PSG2: variants seen among roughly 807,000 people sequenced by gnomAD.
PSG2 encodes pregnancy specific beta-1-glycoprotein 2.
In PSG2, 49 loss-of-function variants were observed where a neutral mutation model predicts 36.2. That is an observed-to-expected ratio of 1.35 (90% CI 1.08 to 1.72). The LOEUF (loss-of-function observed/expected upper bound fraction) is 1.72. PSG2 is among the 40% of genes most tolerant of loss of function. The probability of loss-of-function intolerance (pLI) is 0.00; values close to 1 mark genes in which losing one functional copy is unlikely to be tolerated. For missense variants in PSG2, 605 were observed against 407.2 expected, an observed-to-expected ratio of 1.49 and a Z score of -4.18; for synonymous variants, 261 against 155.6, an observed-to-expected ratio of 1.68 and a Z score of -5.04.
chr19:43,068,398 A>C (rs528593661), intron 4 of PSG2, among the ~76,000 whole-genome samples: 33 of 151,038 alleles, frequency 2.2e-4, no homozygotes, highest in African/African-American at 5.1e-4. Flanking sequence ...ATAATCACAC[A>C]ACTGTATTCC....
At chr19:43,082,358 C>A in intron 1 of PSG2, 148 bp downstream of exon 1, 2 of 1,283,568 alleles carry the variant, frequency 1.6e-6, no homozygotes, top group South Asian at 2.5e-5. Context: ...GCCAGACTGA[C>A]CTTGAACTCC....
chr19:43,075,453 G>T lies in PSG2; in HGVS notation c.610C>A (p.Leu204Ile), dbSNP rs147461917. Residue 204 changes from leucine (L) to isoleucine (I), a missense_variant, in exon 3 of 6, where the codon CTA (leucine) becomes ATA (isoleucine). Physicochemically the swap from Leu to Ile is conservative, Grantham distance 5. Coordinates refer to ENST00000406487, the MANE Select transcript of PSG2 (RefSeq NM_031246.4). ...QLSETNRTLF[L>I]FGVTKYTAGP... Reference sequence around the variant, plus strand: ...GCAGTATACTTTGTGACACCAAATAGAAAGAGGGTCCTGTTGGTTTCGGAC... The same window carrying T: ...GCAGTATACTTTGTGACACCAAATATAAAGAGGGTCCTGTTGGTTTCGGAC... 7.1e-5 allele frequency: 115 copies of T among 1,613,202 alleles called. No individual in the cohort carries two copies. In the East Asian group the frequency reaches 1.0e-3, roughly 14 times the overall value.
intron 2 of PSG2, among the ~76,000 whole-genome samples, chr19:43,077,849 T>G (rs1385068213): frequency 6.6e-6 from 1 of 151,810 alleles, no homozygotes; most frequent in Non-Finnish European, 1.5e-5. Context: ...AAATTTCTAT[T>G]GACACGTCCT....
At position 43,069,999 on chromosome 19, in the gene PSG2, G is replaced by A. The variant is rs979407718; in HGVS notation, c.964+1701C>T. ...TACAAGTCAACAACAGCAAACATCC[G>A]AAAACCCAATTAAAAAATGAACAAA... On this transcript the variant is annotated intron_variant, in intron 4 of 5. Transcript: ENST00000406487. Among the ~76,000 whole-genome samples, 17 of 151,632 alleles carry A rather than the reference G, an allele frequency of 1.1e-4. 1 individual carries two copies. Among genetic ancestry groups the A allele is most frequent in the South Asian group, 4.2e-4 (2 of 4,810 alleles).
chr19:43,074,330 T>C (rs1315800253), intron 3 of PSG2, among the ~76,000 whole-genome samples: 1 of 151,736 alleles, frequency 6.6e-6, no homozygotes, highest in Non-Finnish European at 1.5e-5. Context: ...TCCATGAAAA[T>C]GAAATGTCTT....
At chr19:43,074,542 G>A (rs867151255) in intron 3 of PSG2, among the ~76,000 whole-genome samples, 17 of 151,660 alleles carry the variant, frequency 1.1e-4, no homozygotes, top group African/African-American at 1.5e-4. Flanking sequence ...GAAAGAGTGA[G>A]GGGACAGGCA....
intron 3 of PSG2, among the ~76,000 whole-genome samples, chr19:43,073,312 G>T (rs1166441451): frequency 1.3e-5 from 2 of 151,774 alleles, no homozygotes; most frequent in Non-Finnish European, 2.9e-5. Context: ...AAAGAGTGAA[G>T]GGGATAGGCA....
intron 1 of PSG2, 119 bp downstream of exon 1, chr19:43,082,387 A>G (rs755893959): frequency 4.8e-6 from 7 of 1,472,568 alleles, no homozygotes; most frequent in African/African-American, 1.4e-5. Flanking sequence ...TGATCCACCC[A>G]CCTCAGCCTC....
chr19:43,069,177 G>A (rs1192808998), intron 4 of PSG2, among the ~76,000 whole-genome samples: 1 of 151,590 alleles, frequency 6.6e-6, no homozygotes, highest in Non-Finnish European at 1.5e-5. Flanking sequence ...GATTATACCT[G>A]AAATCTACAA....
chr19:43,066,721 T>A, intron 4 of PSG2, 121 bp from the exon 5 acceptor site: 1 of 1,375,694 alleles, frequency 7.3e-7, no homozygotes, highest in Non-Finnish European at 1.0e-6. Context: ...CCACATTATT[T>A]CTCTTGGAAT....
intron 4 of PSG2, among the ~76,000 whole-genome samples, chr19:43,070,923 G>T (rs1180169878): frequency 6.6e-6 from 1 of 151,554 alleles, no homozygotes; most frequent in Non-Finnish European, 1.5e-5. Context: ...AGCTCCAGGG[G>T]TGAATCTCCC....
chr19:43,079,518 AGT>A (rs531211482), intron 2 of PSG2, among the ~76,000 whole-genome samples: 6,889 of 151,180 alleles, frequency 0.046, 683 homozygotes, highest in African/African-American at 0.16. Flanking sequence ...AGAGCTCCTG[AGT>A]GTGTGTGTCT....
rs557362976 is a variant in PSG2, at chr19:43,082,471, T to A, written c.64+35A>T. On this transcript the variant is annotated intron_variant, in intron 1 of 5. Transcript: ENST00000406487. The stretch of plus-strand genomic sequence containing the variant: ...GACCCCATCCAGTCACTCTTCTTCC[T>A]CCTCCTGTCCTCTCCCAGGAAGTTC... The A allele has an allele frequency of 6.2e-6, 10 of 1,602,740 alleles. 1 individual carries two copies. The Admixed American group carries it at 6.7e-5, about 11-fold the overall frequency.
Position 43,080,992 on chromosome 19 carries a change from G to A in PSG2, c.319C>T (p.Leu107=). ...TCCCGGGTGACATTCTGGATCAGCA[G>A]GGATGCATTGGAATATGCTGTTTCT... ...GRETAYSNAS[L]LIQNVTREDA... Residue 107 remains leucine (L), a synonymous_variant, in exon 2 of 6, where the codon CTG becomes TTG. Coordinates refer to ENST00000406487, the MANE Select transcript of PSG2 (RefSeq NM_031246.4). 1.2e-6 allele frequency: 2 copies of A among 1,613,122 alleles called. No homozygotes were observed. Among genetic ancestry groups the A allele is most frequent in the African/African-American group, 1.3e-5 (1 of 74,462 alleles).
chr19:43,072,445 G>A (rs1967833189), intron 3 of PSG2: 4 of 1,611,794 alleles, frequency 2.5e-6, no homozygotes, highest in Non-Finnish European at 3.4e-6. Context: ...TCGTGACACT[G>A]GGTAGAATGA....
Position 43,074,251 on chromosome 19 carries a change from G to T in PSG2, c.709+1103C>A, listed in dbSNP as rs971256977. Among the ~76,000 whole-genome samples the T allele has an allele frequency of 1.6e-4, 25 of 151,532 alleles. 2 individuals carry two copies. The highest frequency in any genetic ancestry group is 5.9e-4 in the African/African-American group (24 of 40,976). Reference sequence around the variant, plus strand: ...GCCAAAAATGTTACTGTGATTCTGGGAGGGGTTGCATTGAATCTGCAACTC... The same window carrying T: ...GCCAAAAATGTTACTGTGATTCTGGTAGGGGTTGCATTGAATCTGCAACTC... On this transcript the variant is annotated intron_variant, in intron 3 of 5. Coordinates refer to ENST00000406487, the MANE Select transcript of PSG2 (RefSeq NM_031246.4).
intron 4 of PSG2, among the ~76,000 whole-genome samples, chr19:43,067,177 G>C (rs1168835497): frequency 6.6e-6 from 1 of 151,272 alleles, no homozygotes; most frequent in Non-Finnish European, 1.5e-5. Context: ...AACTGCATTG[G>C]TACCTAAAAC....
chr19:43,072,170 C>T (rs570827976), intron 3 of PSG2, among the ~76,000 whole-genome samples: 1 of 151,802 alleles, frequency 6.6e-6, no homozygotes, highest in African/African-American at 2.4e-5. Flanking sequence ...ACCGTCCACT[C>T]CCCTTATATT....
chr19:43,080,611 T>C (rs567370886), intron 2 of PSG2, among the ~76,000 whole-genome samples: 2 of 151,764 alleles, frequency 1.3e-5, no homozygotes, highest in East Asian at 3.9e-4. Context: ...CATGAGGTGC[T>C]TGGCTGAGAC....
Sources: allele counts gnomAD v4.1 joint callset (sites outside exome capture counted in the v4.1 genomes callset), GRCh38; gene constraint gnomAD v4.1.1; transcripts MANE v1.5; gene names NCBI Gene and HGNC (gene_info 2026-07-23, HGNC 2026-07-21).